PCNX1: variants seen among roughly 807,000 people sequenced by gnomAD.
PCNX1 encodes pecanex 1.
Under a neutral mutation model 242.2 loss-of-function variants are expected in PCNX1, and 78 were observed. The ratio of observed to expected loss-of-function variants is 0.32; its 90% CI spans 0.27 to 0.39. The LOEUF is 0.39. Among genes scored for constraint, PCNX1 ranks in the 10% least tolerant of loss-of-function variants. The probability of loss-of-function intolerance (pLI) is 1.00; values close to 1 mark genes in which losing one functional copy is unlikely to be tolerated. For missense variants in PCNX1, 2,581 were observed against 2,856.5 expected (o/e 0.90, Z 2.20); for synonymous variants, 1,024 against 1,032.9 (o/e 0.99, Z 0.17).
At chr14:71,079,457 A>T (rs4426283) in intron 28 of PCNX1, among the ~76,000 whole-genome samples, 55,606 of 152,010 alleles carry the variant, frequency 0.37, 10,443 homozygotes, top group East Asian at 0.62. Context: ...TTACACTCCT[A>T]CCAACAGTGT....
At chr14:70,958,635 C>T (rs1241181057) in intron 2 of PCNX1, among the ~76,000 whole-genome samples, 1 of 152,092 alleles carries the variant, frequency 6.6e-6, no homozygotes, top group African/African-American at 2.4e-5. Context: ...ATGGCTGCAG[C>T]ACCTCCAGGC....
At chr14:71,045,861 G>C (rs530271145) in intron 20 of PCNX1, among the ~76,000 whole-genome samples, 1 of 152,234 alleles carries the variant, frequency 6.6e-6, no homozygotes, top group Admixed American at 6.5e-5. Context: ...CACTTGCCAA[G>C]CTTTTTCCTT....
intron 23 of PCNX1, among the ~76,000 whole-genome samples, 182 bp from the exon 24 acceptor site, chr14:71,051,701 G>T (rs2061040257): frequency 1.3e-5 from 2 of 152,266 alleles, no homozygotes; most frequent in South Asian, 4.1e-4. Flanking sequence ...TGTACTTTAT[G>T]TATGTCTTTC....
At chr14:71,067,280 C>T (rs1217868810) in intron 26 of PCNX1, among the ~76,000 whole-genome samples, 1 of 152,106 alleles carries the variant, frequency 6.6e-6, no homozygotes, top group Non-Finnish European at 1.5e-5. Flanking sequence ...ATTACTGCCT[C>T]AATTTCAGAA....
At chr14:71,091,337 C>T (rs2062123977) in intron 30 of PCNX1, among the ~76,000 whole-genome samples, 1 of 152,158 alleles carries the variant, frequency 6.6e-6, no homozygotes, top group South Asian at 2.1e-4. Flanking sequence ...TAAAAGTGGA[C>T]AATAGGCTTA....
At position 71,055,437 on chromosome 14, in the gene PCNX1, C is replaced by T. The variant is rs967441444; in HGVS notation, c.4578-67C>T. On this transcript the variant is annotated intron_variant, in intron 24 of 35. Transcript: ENST00000304743. ...TTTATACATTTCCTATAGTTTCTTC[C>T]TCAGTCTAAATTGTTAAATATTTTT... is the stretch of plus-strand genomic sequence containing the variant. The T allele has an allele frequency of 6.7e-6, 6 of 898,456 alleles. No individual in the cohort carries two copies. In the South Asian group the frequency reaches 7.5e-5, roughly 11 times the overall value. The allele number at this position is 898,456 out of a possible 1,614,324, so 55.7% of individuals were successfully genotyped here.
At chr14:71,035,326 CTT>C (rs1411168082) in intron 18 of PCNX1, among the ~76,000 whole-genome samples, 4 of 152,146 alleles carry the variant, frequency 2.6e-5, no homozygotes, top group Non-Finnish European at 2.9e-5. Flanking sequence ...TTCTAAAAGA[CTT>C]TATTGCAATA....
chr14:70,924,704 C>T (rs1419543059), intron 1 of PCNX1, among the ~76,000 whole-genome samples: 1 of 152,134 alleles, frequency 6.6e-6, no homozygotes, highest in Admixed American at 6.5e-5. Flanking sequence ...CCTCCCACCT[C>T]AGCATCCTGA....
At chr14:71,098,511 T>C (rs964882152) in intron 30 of PCNX1, among the ~76,000 whole-genome samples, 2 of 80,910 alleles carry the variant, frequency 2.5e-5, no homozygotes, top group Non-Finnish European at 4.9e-5. Context: ...GATGTATTCG[T>C]GTGTGTGTGT....
At chr14:71,048,481 A>G (rs2060928801) in intron 22 of PCNX1, among the ~76,000 whole-genome samples, 1 of 152,218 alleles carries the variant, frequency 6.6e-6, no homozygotes. Flanking sequence ...CCTTTTACAA[A>G]TAAGATGGTA....
chr14:70,954,334 A>G (rs1184689960), intron 2 of PCNX1, among the ~76,000 whole-genome samples: 3 of 152,156 alleles, frequency 2.0e-5, no homozygotes, highest in Non-Finnish European at 4.4e-5. Flanking sequence ...CTTGATAGCC[A>G]GTGGGTTAAA....
intron 31 of PCNX1, among the ~76,000 whole-genome samples, chr14:71,102,989 TTC>T (rs1364419300): frequency 1.3e-5 from 2 of 152,224 alleles, no homozygotes; most frequent in African/African-American, 4.8e-5. Context: ...TGAAATTTTA[TTC>T]TGATAGTTTA....
intron 29 of PCNX1, among the ~76,000 whole-genome samples, chr14:71,088,974 A>G (rs2062062086): frequency 6.6e-6 from 1 of 151,896 alleles, no homozygotes; most frequent in African/African-American, 2.4e-5. Flanking sequence ...CCTGTTGTTT[A>G]TTTTCATGGA....
intron 8 of PCNX1, among the ~76,000 whole-genome samples, chr14:70,999,405 A>G (rs1258129833): frequency 6.6e-6 from 1 of 152,160 alleles, no homozygotes; most frequent in East Asian, 1.9e-4. Flanking sequence ...TGAAGCTATT[A>G]TTTTGTCTTT....
In PCNX1 at chr14:70,907,881, C is replaced by CA; in HGVS notation, c.32dup (p.Val13GlyfsTer74). The CA allele has an allele frequency of 6.5e-7, 1 of 1,541,780 alleles. No individual in the cohort carries two copies. The highest frequency in any genetic ancestry group is 8.7e-7 in the Non-Finnish European group (1 of 1,147,004). On this transcript the variant is annotated frameshift_variant, in exon 1 of 36. Transcript: ENST00000304743. LOFTEE classifies it high-confidence loss of function. The stretch of plus-strand genomic sequence containing the variant: ...GTCGCAGACGCTGCAGATCCTCCGA[C>CA]AGGGGGTGTGGGCCGCGCTCAGCGG...
At chr14:71,043,494 TCTCCCTCC>T (rs560394408) in intron 19 of PCNX1, among the ~76,000 whole-genome samples, 1 of 150,944 alleles carries the variant, frequency 6.6e-6, no homozygotes, top group Admixed American at 6.6e-5. Context: ...TCCTTCCCTC[TCTCCCTCC>T]CTCCCTCCCT....
chr14:71,018,928 T>A, intron 11 of PCNX1, 81 bp from the exon 12 acceptor site: 1 of 1,200,802 alleles, frequency 8.3e-7, no homozygotes, highest in South Asian at 1.6e-5. Context: ...ACTTCATATT[T>A]ATGTCTTCCC....
chr14:70,995,772 A>G lies in PCNX1; in HGVS notation c.2476A>G (p.Thr826Ala), dbSNP rs781139584. The G allele has an allele frequency of 6.2e-7, 1 of 1,614,110 alleles. No homozygotes were observed. The highest frequency in any genetic ancestry group is 1.7e-5 in the Admixed American group (1 of 60,016). The change falls in exon 8 of 36, where the codon ACA (threonine) becomes GCA (alanine). Residue 826 changes from threonine to alanine, a missense_variant. Transcript: ENST00000304743. ...AGATGGTCAGCAAGGCCAGCAGTCC[A>G]CAGCCCAGGTCAAAGTCCAGTCCCG... ...LQDGQQGQQS[T>A]AQVKVQSRPP... is the part of the protein sequence containing the mutation.
intron 1 of PCNX1, among the ~76,000 whole-genome samples, chr14:70,932,228 A>G (rs2056829034): frequency 6.6e-6 from 1 of 152,218 alleles, no homozygotes; most frequent in Admixed American, 6.5e-5. Flanking sequence ...CTGGATGTGA[A>G]ACTATAGCAT....
Sources: allele counts gnomAD v4.1 joint callset (sites outside exome capture counted in the v4.1 genomes callset), GRCh38; gene constraint gnomAD v4.1.1; transcripts MANE v1.5; gene names NCBI Gene and HGNC (gene_info 2026-07-23, HGNC 2026-07-21).